The following STX12 variants were observed in gnomAD, a reference collection of about 807,000 sequenced individuals.
The protein encoded by STX12 is syntaxin 12, also known as syntaxin-12.
A neutral mutation model predicts 42.2 loss-of-function variants in STX12; 17 were observed. The ratio of observed to expected loss-of-function variants is 0.40; its 90% CI spans 0.28 to 0.60. The LOEUF (loss-of-function observed/expected upper bound fraction) is 0.60, where lower values mean the gene tolerates loss of function less well. Ranked by LOEUF, STX12 falls within the 20% of genes least tolerant of loss-of-function variation. The pLI is 0.39. For synonymous variants in STX12, 108 were observed against 116.7 expected (o/e 0.93, Z 0.48); for missense variants, 297 against 330.9 (o/e 0.90, Z 0.79).
intron 1 of STX12, among the ~76,000 whole-genome samples, chr1:27,780,733 CT>C (rs1192305386): frequency 3.5e-4 from 53 of 152,082 alleles, no homozygotes; most frequent in African/African-American, 1.2e-3. Flanking sequence ...GAGTGGATCT[CT>C]TGAGCTCAGA....
intron 2 of STX12, among the ~76,000 whole-genome samples, chr1:27,792,696 A>G (rs570902207): frequency 2.0e-5 from 3 of 152,232 alleles, no homozygotes; most frequent in South Asian, 2.1e-4. Context: ...CCATCTCCTA[A>G]TATTATCACC....
intron 3 of STX12, among the ~76,000 whole-genome samples, chr1:27,801,136 C>G (rs1054955383): frequency 1.3e-5 from 2 of 152,162 alleles, no homozygotes; most frequent in Non-Finnish European, 2.9e-5. Context: ...CAGTGACTCA[C>G]GCCTGTAATC....
intron 5 of STX12, 74 bp from the exon 6 acceptor site, chr1:27,812,089 A>G: frequency 8.1e-7 from 1 of 1,228,060 alleles, no homozygotes; most frequent in Non-Finnish European, 1.2e-6. Context: ...TTCTGCTGGC[A>G]GTAGAGATGT....
intron 1 of STX12, among the ~76,000 whole-genome samples, chr1:27,776,918 A>G (rs549287066): frequency 6.6e-5 from 10 of 152,300 alleles, no homozygotes; most frequent in Admixed American, 2.6e-4. Flanking sequence ...GTCAAGGGAC[A>G]TGACTTATTC....
intron 1 of STX12, among the ~76,000 whole-genome samples, chr1:27,783,221 T>C (rs2088679714): frequency 6.6e-6 from 1 of 152,222 alleles, no homozygotes; most frequent in Non-Finnish European, 1.5e-5. Flanking sequence ...TTAGCTGTAA[T>C]GTATAACAAA....
At chr1:27,794,732 AT>A (rs1375207964) in intron 3 of STX12, among the ~76,000 whole-genome samples, 1 of 151,860 alleles carries the variant, frequency 6.6e-6, no homozygotes, top group East Asian at 1.9e-4. Flanking sequence ...TTTAAATTTT[AT>A]TTTATTTTTG....
chr1:27,792,120 A>ATATATATCTATATATG (rs1020298818), intron 2 of STX12, among the ~76,000 whole-genome samples: 1 of 136,252 alleles, frequency 7.3e-6, no homozygotes, highest in African/African-American at 2.9e-5. Context: ...TAAATATATA[A>ATATATATCTATATATG]TATATATCTA....
At chr1:27,776,847 C>T (rs1281595985) in intron 1 of STX12, among the ~76,000 whole-genome samples, 2 of 152,146 alleles carry the variant, frequency 1.3e-5, no homozygotes, top group African/African-American at 4.8e-5. Context: ...TACCTGAAGC[C>T]GTGGTGCTTT....
chr1:27,803,269 A>C (rs1480705694), intron 4 of STX12, among the ~76,000 whole-genome samples: 1 of 152,240 alleles, frequency 6.6e-6, no homozygotes, highest in Non-Finnish European at 1.5e-5. Flanking sequence ...TAATCTAGAT[A>C]CATCAAAGAC....
At chr1:27,788,520 T>A (rs925984587) in intron 1 of STX12, among the ~76,000 whole-genome samples, 8 of 152,076 alleles carry the variant, frequency 5.3e-5, no homozygotes, top group Non-Finnish European at 1.2e-4. Context: ...TTAGCAAATA[T>A]CTAGGAAAAG....
chr1:27,811,770 A>G (rs2088904761), intron 5 of STX12, among the ~76,000 whole-genome samples: 1 of 152,168 alleles, frequency 6.6e-6, no homozygotes, highest in Non-Finnish European at 1.5e-5. Flanking sequence ...TTAGTACTGA[A>G]GGTACTAATG....
intron 1 of STX12, among the ~76,000 whole-genome samples, chr1:27,774,956 T>C (rs1020068239): frequency 3.3e-5 from 5 of 152,150 alleles, no homozygotes; most frequent in South Asian, 2.1e-4. Flanking sequence ...TCAAAAGGGA[T>C]TGAGACTCTG....
At chr1:27,777,330 G>A (rs534495504) in intron 1 of STX12, among the ~76,000 whole-genome samples, 12 of 152,270 alleles carry the variant, frequency 7.9e-5, no homozygotes, top group South Asian at 2.1e-4. Flanking sequence ...TAGGTAGAGG[G>A]CAAGAGCAAG....
intron 1 of STX12, among the ~76,000 whole-genome samples, chr1:27,782,247 G>T (rs184029902): frequency 2.0e-5 from 3 of 151,972 alleles, no homozygotes; most frequent in Admixed American, 2.0e-4. Context: ...CTACAGGCAC[G>T]CACCACCACG....
rs759442277 is a variant in STX12, at chr1:27,819,741, G to C, written c.732+9G>C. On this transcript the variant is annotated intron_variant, in intron 8 of 8. Transcript: ENST00000373943. ...GAGCTGCTTACTATCAGGTAAAAGCGGGTACCAAAGAAAGTCACTCTGTGT... is the reference window on the plus strand; with the variant it reads ...GAGCTGCTTACTATCAGGTAAAAGCCGGTACCAAAGAAAGTCACTCTGTGT... The C allele has an allele frequency of 1.9e-6, 3 of 1,612,120 alleles. No homozygotes were observed. The highest frequency in any genetic ancestry group is 1.7e-6 in the Non-Finnish European group (2 of 1,178,900).
chr1:27,805,053 C>T (rs1369185782), intron 4 of STX12, among the ~76,000 whole-genome samples: 2 of 152,046 alleles, frequency 1.3e-5, no homozygotes, highest in African/African-American at 4.8e-5. Flanking sequence ...AGAACTCAGT[C>T]ACTATCACGA....
chr1:27,791,013 C>T lies in STX12; in HGVS notation c.188+1382C>T, dbSNP rs185947724. The stretch of plus-strand genomic sequence containing the variant: ...TGGTGGCTCACACCTGTAATCCCAG[C>T]GCTTTGGGAGGCTGAGGTGGGCAGA... On this transcript the variant is annotated intron_variant, in intron 2 of 8. Coordinates refer to ENST00000373943, the MANE Select transcript of STX12 (RefSeq NM_177424.3). Among the ~76,000 whole-genome samples, 717 of 152,150 alleles carry T rather than the reference C, an allele frequency of 4.7e-3. 4 individuals are homozygous for T. The highest frequency in any genetic ancestry group is 0.01 in the Middle Eastern group (3 of 294).
At chr1:27,792,088 TAAATATA>T in intron 2 of STX12, among the ~76,000 whole-genome samples, 1 of 139,198 alleles carries the variant, frequency 7.2e-6, no homozygotes, top group East Asian at 2.0e-4. Flanking sequence ...ATATAGTATA[TAAATATA>T]AAATATATAG....
At chr1:27,806,881 G>A (rs946735808) in intron 4 of STX12, among the ~76,000 whole-genome samples, 3 of 152,122 alleles carry the variant, frequency 2.0e-5, no homozygotes, top group Admixed American at 2.0e-4. Context: ...GGAAATACCA[G>A]ACACTTACCA....
Sources: allele counts gnomAD v4.1 joint callset (sites outside exome capture counted in the v4.1 genomes callset), GRCh38; gene constraint gnomAD v4.1.1; transcripts MANE v1.5; gene names NCBI Gene and HGNC (gene_info 2026-07-23, HGNC 2026-07-21).